Variants in GRIK2 observed in about 807,000 individuals in gnomAD.
GRIK2 encodes the protein glutamate receptor ionotropic, kainate 2.
Under a neutral mutation model 100.3 loss-of-function variants are expected in GRIK2, and 32 were observed. The ratio of observed to expected loss-of-function variants is 0.32; its 90% CI spans 0.24 to 0.43. The LOEUF (loss-of-function observed/expected upper bound fraction) is 0.43. Among genes scored for constraint, GRIK2 ranks in the 20% least tolerant of loss-of-function variants. GRIK2 has a pLI of 1.00. For synonymous variants in GRIK2, 417 were observed against 389.4 expected, an observed-to-expected ratio of 1.07 and a Z score of -0.83; for missense variants, 843 against 1,114.9, an observed-to-expected ratio of 0.76 and a Z score of 3.47.
chr6:101,399,170 T>G lies in GRIK2; in HGVS notation c.-108T>G, dbSNP rs1775142330. On this transcript the variant is annotated 5_prime_UTR_variant, in exon 2 of 17. It removes the in-frame stop codon of an upstream open reading frame in the 5' UTR. Coordinates refer to ENST00000369134, the MANE Select transcript of GRIK2 (RefSeq NM_021956.5). ...CCTTCCTCTCTCTATGACCATGCCGTGATCGTGTCTGCGGTCACCACTCGA... is the reference window on the plus strand; with the variant it reads ...CCTTCCTCTCTCTATGACCATGCCGGGATCGTGTCTGCGGTCACCACTCGA... 3 of 716,788 alleles carry G rather than the reference T, an allele frequency of 4.2e-6. No homozygotes were observed. Among genetic ancestry groups the G allele is most frequent in the Non-Finnish European group, 7.8e-6 (3 of 386,506 alleles). The allele number at this position is 716,788 out of a possible 1,614,324, so 44.4% of individuals were successfully genotyped here. A position where few individuals can be genotyped will look rare whatever the true frequency, so the allele number is the denominator to read the frequency against.
chr6:101,611,975 T>C (rs1221148799), intron 2 of GRIK2, among the ~76,000 whole-genome samples: 1 of 151,906 alleles, frequency 6.6e-6, no homozygotes, highest in Non-Finnish European at 1.5e-5. Context: ...AAACAAAGTA[T>C]TTACCACTTA....
chr6:101,717,109 T>C (rs1325700058), intron 7 of GRIK2, among the ~76,000 whole-genome samples: 1 of 151,880 alleles, frequency 6.6e-6, no homozygotes, highest in East Asian at 1.9e-4. Context: ...AATGGATTTC[T>C]GAAAGAAGAA....
At chr6:101,439,833 G>A (rs1024608384) in intron 2 of GRIK2, among the ~76,000 whole-genome samples, 1 of 152,030 alleles carries the variant, frequency 6.6e-6, no homozygotes, top group Admixed American at 6.6e-5. Flanking sequence ...GGCATACCTA[G>A]TTATCTTGAA....
intron 7 of GRIK2, among the ~76,000 whole-genome samples, chr6:101,708,202 T>C (rs73764509): frequency 2.0e-5 from 3 of 151,750 alleles, no homozygotes; most frequent in Non-Finnish European, 2.9e-5. Context: ...AATTCCTTAA[T>C]AGACTACACC....
At chr6:101,551,311 T>TG (rs536172745) in intron 2 of GRIK2, among the ~76,000 whole-genome samples, 66 of 152,152 alleles carry the variant, frequency 4.3e-4, no homozygotes, top group Middle Eastern at 6.8e-3. Flanking sequence ...TTCTAAAGGA[T>TG]GGGGGGTGGT....
intron 10 of GRIK2, among the ~76,000 whole-genome samples, chr6:101,830,486 A>G (rs1226430643): frequency 6.6e-6 from 1 of 152,058 alleles, no homozygotes; most frequent in East Asian, 1.9e-4. Context: ...ACAAAAGATT[A>G]ATATCCAGAA....
intron 2 of GRIK2, among the ~76,000 whole-genome samples, chr6:101,441,676 G>C (rs138733512): frequency 7.4e-4 from 113 of 152,144 alleles, no homozygotes; most frequent in African/African-American, 2.4e-3. Flanking sequence ...TATGTGTGCA[G>C]GGTTTGTTAC....
intron 16 of GRIK2, among the ~76,000 whole-genome samples, chr6:102,059,592 G>A (rs1407247897): frequency 6.6e-6 from 1 of 150,744 alleles, no homozygotes; most frequent in African/African-American, 2.4e-5. Context: ...ACTGAATTTT[G>A]TTGTTTTCTC....
At chr6:102,002,068 G>A (rs902118521) in intron 14 of GRIK2, among the ~76,000 whole-genome samples, 1 of 151,096 alleles carries the variant, frequency 6.6e-6, no homozygotes, top group African/African-American at 2.4e-5. Context: ...ATCTCCTTCA[G>A]GTTTTGTCTA....
chr6:101,994,007 A>G (rs1344805013), intron 14 of GRIK2, among the ~76,000 whole-genome samples: 1 of 146,744 alleles, frequency 6.8e-6, no homozygotes, highest in African/African-American at 2.5e-5. Context: ...CATATATACA[A>G]ATGTGTATAT....
chr6:101,714,638 T>G (rs1418429717), intron 7 of GRIK2, among the ~76,000 whole-genome samples: 1 of 151,824 alleles, frequency 6.6e-6, no homozygotes, highest in East Asian at 1.9e-4. Flanking sequence ...TGTTCTCACG[T>G]TCTCATGTAA....
intron 15 of GRIK2, among the ~76,000 whole-genome samples, chr6:102,054,212 A>G (rs1391966235): frequency 6.6e-6 from 1 of 152,174 alleles, no homozygotes; most frequent in Non-Finnish European, 1.5e-5. Context: ...TAAACAGGTT[A>G]CTTACATTCT....
intron 14 of GRIK2, among the ~76,000 whole-genome samples, chr6:102,027,730 G>A (rs2114393418): frequency 6.6e-6 from 1 of 150,990 alleles, no homozygotes; most frequent in Non-Finnish European, 1.5e-5. Context: ...TAGACAGTCA[G>A]GTTCATAAAA....
At chr6:101,709,578 A>G (rs1165302989) in intron 7 of GRIK2, among the ~76,000 whole-genome samples, 1 of 151,852 alleles carries the variant, frequency 6.6e-6, no homozygotes, top group Non-Finnish European at 1.5e-5. Context: ...CAACATACTT[A>G]CCTGTTATCC....
At chr6:101,799,305 G>GTGTGTA (rs10601554) in intron 7 of GRIK2, among the ~76,000 whole-genome samples, 14 of 149,646 alleles carry the variant, frequency 9.4e-5, no homozygotes, top group Non-Finnish European at 1.8e-4. Flanking sequence ...GTGTGTGTGT[G>GTGTGTA]TATAAGTGAG....
At chr6:101,847,170 CCATT>C (rs1783861610) in intron 10 of GRIK2, among the ~76,000 whole-genome samples, 1 of 151,956 alleles carries the variant, frequency 6.6e-6, no homozygotes, top group Non-Finnish European at 1.5e-5. Context: ...TTCACTGTAT[CCATT>C]GAGTTTTAAT....
rs73500528 is a variant in GRIK2, at chr6:102,007,701, G to C, written c.2086-27640G>C. Among the ~76,000 whole-genome samples the C allele has an allele frequency of 1.9e-3, 291 of 152,130 alleles. 1 individual carries two copies. Among genetic ancestry groups the C allele is most frequent in the African/African-American group, 6.5e-3 (270 of 41,526 alleles). On this transcript the variant is annotated intron_variant, in intron 14 of 16. Transcript: ENST00000369134. ...ATAGTGGTGGAGGAAAGTAAAAAAG[G>C]GTAATGCCATTTATATAAATACAAA...
chr6:101,573,210 T>C (rs1230547134), intron 2 of GRIK2, among the ~76,000 whole-genome samples: 1 of 152,112 alleles, frequency 6.6e-6, no homozygotes, highest in African/African-American at 2.4e-5. Flanking sequence ...AGTGAAGGTG[T>C]TGCCTACTAC....
intron 2 of GRIK2, among the ~76,000 whole-genome samples, chr6:101,453,099 C>A (rs1424730394): frequency 6.6e-6 from 1 of 151,846 alleles, no homozygotes; most frequent in Non-Finnish European, 1.5e-5. Flanking sequence ...ATGGAATTCC[C>A]TCCCTACATT....
Sources: gnomAD v4.1 joint callset for allele counts (sites outside exome capture counted in the v4.1 genomes callset) on GRCh38, gnomAD v4.1.1 for gene constraint, MANE v1.5 for transcripts, NCBI Gene and HGNC (gene_info 2026-07-23, HGNC 2026-07-21) for gene names.